Variants in SIK3 observed in about 807,000 individuals in gnomAD.
SIK3 encodes the protein serine/threonine-protein kinase SIK3.
A neutral mutation model predicts 144.2 loss-of-function variants in SIK3; 28 were observed. The ratio of observed to expected loss-of-function variants is 0.19; its 90% CI spans 0.14 to 0.27. The LOEUF (loss-of-function observed/expected upper bound fraction) is 0.27, where lower values mean the gene tolerates loss of function less well. SIK3 is among the 10% of genes least tolerant of loss of function. The probability of loss-of-function intolerance (pLI) is 1.00; values close to 1 mark genes in which losing one functional copy is unlikely to be tolerated. For missense variants in SIK3, 1,319 were observed against 1,776.0 expected (o/e 0.74, Z 4.62); for synonymous variants, 686 against 676.3 (o/e 1.01, Z -0.22).
chr11:117,097,158 T>G (rs565667698), intron 1 of SIK3, among the ~76,000 whole-genome samples: 1 of 152,266 alleles, frequency 6.6e-6, no homozygotes, highest in South Asian at 2.1e-4. Context: ...CTCAAAGAAT[T>G]TTACATGCAT....
At chr11:117,053,957 A>AT (rs974613063) in intron 1 of SIK3, among the ~76,000 whole-genome samples, 14 of 151,196 alleles carry the variant, frequency 9.3e-5, no homozygotes, top group African/African-American at 1.7e-4. Context: ...TTTTCTTTCT[A>AT]TTTTTTTCAA....
At chr11:116,917,486 A>G (rs1386217358) in intron 4 of SIK3, among the ~76,000 whole-genome samples, 1 of 152,076 alleles carries the variant, frequency 6.6e-6, no homozygotes, top group Admixed American at 6.6e-5. Flanking sequence ...GGGTGAGAAG[A>G]TCTCTTGAGC....
intron 4 of SIK3, among the ~76,000 whole-genome samples, chr11:116,909,553 T>C (rs1166413776): frequency 6.6e-6 from 1 of 152,176 alleles, no homozygotes; most frequent in African/African-American, 2.4e-5. Context: ...TAATATTTCA[T>C]AATAAATGAA....
chr11:116,866,380 GA>G (rs1205352115), intron 15 of SIK3, among the ~76,000 whole-genome samples: 1 of 151,192 alleles, frequency 6.6e-6, no homozygotes, highest in Non-Finnish European at 1.5e-5. Context: ...GAAGTTATGA[GA>G]AATCACAGGA....
intron 1 of SIK3, among the ~76,000 whole-genome samples, chr11:117,071,648 C>T (rs953193288): frequency 2.0e-5 from 3 of 152,112 alleles, no homozygotes; most frequent in Admixed American, 1.3e-4. Context: ...GACAGGGTCT[C>T]GCTCTGTCCT....
chr11:117,088,602 C>T (rs1955116395), intron 1 of SIK3, among the ~76,000 whole-genome samples: 1 of 152,146 alleles, frequency 6.6e-6, no homozygotes, highest in African/African-American at 2.4e-5. Context: ...AAAATTCCGG[C>T]CCCCACAGGG....
At chr11:117,045,564 G>T (rs1404973322) in intron 1 of SIK3, among the ~76,000 whole-genome samples, 1 of 152,162 alleles carries the variant, frequency 6.6e-6, no homozygotes, top group African/African-American at 2.4e-5. Flanking sequence ...GTTTTCACTA[G>T]AGGCACTGGC....
chr11:116,858,941 T>A lies in SIK3; in HGVS notation c.2766-242A>T, dbSNP rs1387559881. On this transcript the variant is annotated intron_variant, in intron 20 of 24. Transcript: ENST00000445177. This position sits in a 1 kb window ranked among gnomAD's most constrained non-coding sequence, Gnocchi z 5.4. ...CATTTTGAAGGAAGCAACTTCAAGA[T>A]GCTCCCTTCAAGAAAAGGGGAACTG... Among the ~76,000 whole-genome samples the A allele has an allele frequency of 6.6e-6, 1 of 152,220 alleles. No homozygotes were observed. The highest frequency in any genetic ancestry group is 2.4e-5 in the African/African-American group (1 of 41,460).
chr11:117,017,528 TG>T (rs66751419), intron 1 of SIK3, among the ~76,000 whole-genome samples: 69,180 of 152,002 alleles, frequency 0.46, 19,094 homozygotes, highest in Non-Finnish European at 0.64. Context: ...ATAAAACAAA[TG>T]TTTTTTTAAG....
intron 1 of SIK3, among the ~76,000 whole-genome samples, chr11:117,069,571 G>A (rs370290079): frequency 6.6e-6 from 1 of 152,232 alleles, no homozygotes; most frequent in Non-Finnish European, 1.5e-5. Flanking sequence ...TTATTTCAGA[G>A]GGAAATAACG....
intron 1 of SIK3, among the ~76,000 whole-genome samples, chr11:117,019,323 T>C (rs1366383121): frequency 1.3e-5 from 2 of 152,168 alleles, no homozygotes; most frequent in African/African-American, 4.8e-5. Context: ...ACGGTCTTTA[T>C]TGTAACTTTA....
chr11:117,059,843 T>C (rs1356873883), intron 1 of SIK3, among the ~76,000 whole-genome samples: 2 of 152,154 alleles, frequency 1.3e-5, no homozygotes, highest in African/African-American at 4.8e-5. Flanking sequence ...TTCAAAGCAG[T>C]GACAACATCA....
intron 4 of SIK3, among the ~76,000 whole-genome samples, chr11:116,901,021 T>C (rs1052389214): frequency 1.3e-5 from 2 of 152,002 alleles, no homozygotes; most frequent in African/African-American, 4.8e-5. Context: ...TGCATCACCA[T>C]GCCTGGCTAA....
At position 117,087,307 on chromosome 11, in the gene SIK3, G is replaced by C. The variant is rs111800239; in HGVS notation, c.273+10836C>G. ...AAAATACAAAAATTAGCCAGGCGTG[G>C]CTATGGGCACCTGTAATCCCAGCTA... On this transcript the variant is annotated intron_variant, in intron 1 of 24. Coordinates refer to ENST00000445177, the MANE Select transcript of SIK3 (RefSeq NM_001366686.3). Among the ~76,000 whole-genome samples, 267 of 152,080 alleles carry C rather than the reference G, an allele frequency of 1.8e-3. 1 individual carries two copies. Among genetic ancestry groups the C allele is most frequent in the Middle Eastern group, 6.8e-3 (2 of 294 alleles).
chr11:117,089,401 C>T (rs1336315037), intron 1 of SIK3, among the ~76,000 whole-genome samples: 2 of 139,660 alleles, frequency 1.4e-5, no homozygotes, highest in African/African-American at 2.7e-5. Flanking sequence ...AGTGAGACTC[C>T]GTCTCAAAAA....
At chr11:117,061,239 T>A (rs1418559743) in intron 1 of SIK3, among the ~76,000 whole-genome samples, 1 of 151,646 alleles carries the variant, frequency 6.6e-6, no homozygotes, top group African/African-American at 2.4e-5. Context: ...CAAGACCCCA[T>A]CTCAAAAAAT....
At chr11:117,035,963 G>A in intron 1 of SIK3, 1 of 1,578,422 alleles carries the variant, frequency 6.3e-7, no homozygotes, top group Non-Finnish European at 8.6e-7. Context: ...CATGAAGCAG[G>A]AATTGGGGCT....
At chr11:117,004,228 C>T (rs1950959148) in intron 1 of SIK3, among the ~76,000 whole-genome samples, 1 of 152,050 alleles carries the variant, frequency 6.6e-6, no homozygotes, top group Non-Finnish European at 1.5e-5. Context: ...ATAAAGGTAA[C>T]TAAAGGCAGG....
chr11:117,052,080 T>C (rs746177018), intron 1 of SIK3, among the ~76,000 whole-genome samples: 137 of 151,684 alleles, frequency 9.0e-4, no homozygotes, highest in Non-Finnish European at 1.4e-3. Context: ...AGGCGGAAGT[T>C]GCAGTTTGCA....
Sources: gnomAD v4.1 joint callset for allele counts (sites outside exome capture counted in the v4.1 genomes callset) on GRCh38, gnomAD v4.1.1 for gene constraint, Gnocchi (gnomAD v3.1) non-coding constraint, MANE v1.5 for transcripts, NCBI Gene and HGNC (gene_info 2026-07-23, HGNC 2026-07-21) for gene names.